The following MBNL1 variants were observed in gnomAD, a reference collection of about 807,000 sequenced individuals.
The protein encoded by MBNL1 is muscleblind like splicing regulator 1, also known as muscleblind-like protein 1.
A neutral mutation model predicts 42.2 loss-of-function variants in MBNL1; 8 were observed. The observed-to-expected ratio is 0.19, with a 90% CI of 0.11 to 0.34. The LOEUF is 0.34. Ranked by LOEUF, MBNL1 falls within the 10% of genes least tolerant of loss-of-function variation. MBNL1 has a pLI of 1.00. For missense variants in MBNL1, 309 were observed against 495.3 expected (o/e 0.62, Z 3.57); for synonymous variants, 169 against 173.9 (o/e 0.97, Z 0.22).
intron 3 of MBNL1, among the ~76,000 whole-genome samples, chr3:152,424,806 A>G (rs1422121281): frequency 6.6e-6 from 1 of 152,334 alleles, no homozygotes; most frequent in South Asian, 2.1e-4. Flanking sequence ...GACAAACCTG[A>G]CAAAAGCAAT....
At chr3:152,363,113 G>T (rs534228855) in intron 2 of MBNL1, among the ~76,000 whole-genome samples, 114 of 152,210 alleles carry the variant, frequency 7.5e-4, no homozygotes, top group African/African-American at 2.6e-3. Flanking sequence ...GCATATGTAA[G>T]AACATCATCA....
intron 1 of MBNL1, among the ~76,000 whole-genome samples, chr3:152,276,110 A>C (rs1378872825): frequency 6.6e-6 from 1 of 152,156 alleles, no homozygotes; most frequent in Non-Finnish European, 1.5e-5. Flanking sequence ...TGACTAGAAC[A>C]ATTTTTTCAT....
At chr3:152,349,865 G>C (rs1467109065) in intron 2 of MBNL1, among the ~76,000 whole-genome samples, 1 of 152,008 alleles carries the variant, frequency 6.6e-6, no homozygotes, top group Non-Finnish European at 1.5e-5. Flanking sequence ...ATTTATAGTT[G>C]GGATGACTAG....
chr3:152,412,457 A>G (rs115214376), intron 2 of MBNL1, among the ~76,000 whole-genome samples: 516 of 152,230 alleles, frequency 3.4e-3, no homozygotes, highest in African/African-American at 0.012. Flanking sequence ...CTCACCAAAT[A>G]TCAGTTGATT....
intron 3 of MBNL1, among the ~76,000 whole-genome samples, chr3:152,420,088 A>C (rs551452117): frequency 6.6e-6 from 1 of 152,274 alleles, no homozygotes; most frequent in Non-Finnish European, 1.5e-5. Context: ...GCATCTCTGA[A>C]AGAAAGGCAG....
At chr3:152,281,303 C>T (rs1226245856) in intron 1 of MBNL1, among the ~76,000 whole-genome samples, 1 of 152,000 alleles carries the variant, frequency 6.6e-6, no homozygotes, top group African/African-American at 2.4e-5. Context: ...TGTTTTTCTG[C>T]TTGTTTATTT....
At chr3:152,248,101 T>G (rs1412808645) in intron 2 of MBNL1, among the ~76,000 whole-genome samples, 1 of 152,074 alleles carries the variant, frequency 6.6e-6, no homozygotes, top group East Asian at 1.9e-4. Context: ...ACAGTTTTGA[T>G]TTTGAAAAAA....
chr3:152,461,483 A>G (rs572008417), intron 9 of MBNL1, among the ~76,000 whole-genome samples: 1 of 152,298 alleles, frequency 6.6e-6, no homozygotes, highest in African/African-American at 2.4e-5. Flanking sequence ...GTATGTATAT[A>G]TTTAACTAAA....
intron 1 of MBNL1, among the ~76,000 whole-genome samples, chr3:152,288,188 T>G (rs2053697250): frequency 6.6e-6 from 1 of 152,232 alleles, no homozygotes; most frequent in Non-Finnish European, 1.5e-5. Context: ...TGTAGACTGT[T>G]ATTTAATAAC....
intron 2 of MBNL1, among the ~76,000 whole-genome samples, chr3:152,335,623 C>CT (rs59575048): frequency 8.6e-4 from 127 of 148,494 alleles, no homozygotes; most frequent in Middle Eastern, 3.4e-3. Flanking sequence ...AATTGAGCAC[C>CT]TTTTTTTTTT....
At chr3:152,416,548 A>G (rs950155236) in intron 3 of MBNL1, among the ~76,000 whole-genome samples, 4 of 152,214 alleles carry the variant, frequency 2.6e-5, no homozygotes, top group Non-Finnish European at 2.9e-5. Flanking sequence ...GGTGGCTACC[A>G]CCTTAGCTCC....
chr3:152,368,498 C>G (rs1364793451), intron 2 of MBNL1, among the ~76,000 whole-genome samples: 3 of 152,032 alleles, frequency 2.0e-5, no homozygotes, highest in African/African-American at 7.2e-5. Flanking sequence ...TATACAGGCT[C>G]TTTTTTGGAT....
At chr3:152,260,696 A>T (rs190097425) in intron 2 of MBNL1, among the ~76,000 whole-genome samples, 51 of 152,310 alleles carry the variant, frequency 3.3e-4, no homozygotes, top group Non-Finnish European at 4.9e-4. Flanking sequence ...ACAAACAGCA[A>T]ACTAAGCATT....
At chr3:152,295,801 A>G (rs1212756979) in intron 1 of MBNL1, among the ~76,000 whole-genome samples, 1 of 152,226 alleles carries the variant, frequency 6.6e-6, no homozygotes, top group East Asian at 1.9e-4. Flanking sequence ...GTTAGCATGT[A>G]ACAAGTCCCA....
intron 2 of MBNL1, chr3:152,300,940 C>T: frequency 2.0e-6 from 2 of 983,748 alleles, no homozygotes; most frequent in Non-Finnish European, 2.4e-6. Flanking sequence ...ACTGCTGCTA[C>T]AGCACCTTAC....
At chr3:152,445,248 T>C (rs2099206284) in intron 4 of MBNL1, 34 bp from the exon 5 acceptor site, 5 of 1,569,078 alleles carry the variant, frequency 3.2e-6, no homozygotes, top group East Asian at 2.3e-5. Context: ...CTTCTTCATG[T>C]TGACTAAACC....
intron 2 of MBNL1, among the ~76,000 whole-genome samples, chr3:152,379,687 G>T (rs1009476639): frequency 3.3e-5 from 5 of 152,106 alleles, no homozygotes; most frequent in African/African-American, 1.2e-4. Flanking sequence ...AATAATTGCT[G>T]CAAATATTGT....
intron 2 of MBNL1, among the ~76,000 whole-genome samples, chr3:152,306,720 A>G (rs1304487757): frequency 1.3e-5 from 2 of 152,148 alleles, no homozygotes; most frequent in Non-Finnish European, 2.9e-5. Flanking sequence ...GATGTTCAGG[A>G]GGGCCATTTC....
intron 3 of MBNL1, 24 bp downstream of exon 3, chr3:152,415,135 T>C (rs777799442): frequency 6.5e-7 from 1 of 1,540,318 alleles, no homozygotes. Flanking sequence ...CAGTCTTCAC[T>C]CATTAAGTTT....
Sources: allele counts gnomAD v4.1 joint callset (sites outside exome capture counted in the v4.1 genomes callset), GRCh38; gene constraint gnomAD v4.1.1; transcripts MANE v1.5; gene names NCBI Gene and HGNC (gene_info 2026-07-23, HGNC 2026-07-21).